MET: variants seen among roughly 807,000 people sequenced by gnomAD.
MET encodes the protein MET proto-oncogene, receptor tyrosine kinase, also known as hepatocyte growth factor receptor.
A neutral mutation model predicts 133.1 loss-of-function variants in MET; 48 were observed. The observed-to-expected ratio is 0.36, with a 90% confidence interval of 0.29 to 0.46. The LOEUF (loss-of-function observed/expected upper bound fraction) is 0.46. Among genes scored for constraint, MET ranks in the 20% least tolerant of loss-of-function variants. The probability of loss-of-function intolerance (pLI) is 1.00; values close to 1 mark genes in which losing one functional copy is unlikely to be tolerated. For synonymous variants in MET, 628 were observed against 616.5 expected, an observed-to-expected ratio of 1.02 and a Z score of -0.28; for missense variants, 1,442 against 1,695.9, an observed-to-expected ratio of 0.85 and a Z score of 2.63.
At chr7:116,712,084 C>T (rs186521391) in intron 2 of MET, among the ~76,000 whole-genome samples, 63 of 152,314 alleles carry the variant, frequency 4.1e-4, no homozygotes, top group African/African-American at 1.5e-3. Context: ...CTGTCCTACA[C>T]GCAACCTGTC....
intron 18 of MET, among the ~76,000 whole-genome samples, chr7:116,782,620 C>T (rs1287445972): frequency 1.3e-5 from 2 of 152,154 alleles, no homozygotes; most frequent in African/African-American, 4.8e-5. Flanking sequence ...TCATGTTTTC[C>T]CTTGCATAGC....
intron 3 of MET, among the ~76,000 whole-genome samples, chr7:116,734,286 C>G (rs924343847): frequency 6.6e-6 from 1 of 152,208 alleles, no homozygotes. Context: ...GATTTTACTT[C>G]CTTCCTACCC....
intron 18 of MET, among the ~76,000 whole-genome samples, chr7:116,782,887 A>T (rs1031316112): frequency 1.3e-5 from 2 of 152,226 alleles, no homozygotes; most frequent in Admixed American, 1.3e-4. Context: ...GAAAAAGTAA[A>T]GTATCAGTCC....
chr7:116,764,896 T>C (rs1794562748), intron 11 of MET, among the ~76,000 whole-genome samples: 1 of 152,164 alleles, frequency 6.6e-6, no homozygotes, highest in Admixed American at 6.6e-5. Context: ...TTCAATATTT[T>C]TTCATACTTC....
At chr7:116,715,621 A>G (rs1324253449) in intron 2 of MET, among the ~76,000 whole-genome samples, 1 of 152,218 alleles carries the variant, frequency 6.6e-6, no homozygotes, top group Non-Finnish European at 1.5e-5. Context: ...CTTCTAAATG[A>G]AGTGACCATT....
intron 1 of MET, among the ~76,000 whole-genome samples, chr7:116,691,987 A>G (rs1796794012): frequency 6.6e-6 from 1 of 152,224 alleles, no homozygotes; most frequent in East Asian, 1.9e-4. Flanking sequence ...TATAAGAGAC[A>G]GTGGATTCTG....
intron 1 of MET, among the ~76,000 whole-genome samples, chr7:116,697,891 A>T (rs2116571337): frequency 6.6e-6 from 1 of 152,328 alleles, no homozygotes; most frequent in Admixed American, 6.5e-5. Context: ...GTTATCACTC[A>T]GCCACATTGC....
chr7:116,709,125 G>T (rs191095511), intron 2 of MET, among the ~76,000 whole-genome samples: 107 of 152,276 alleles, frequency 7.0e-4, no homozygotes, highest in South Asian at 1.7e-3. Flanking sequence ...GTACAAATGA[G>T]TGCTCTCCAG....
chr7:116,718,176 C>A (rs920082797), intron 2 of MET, among the ~76,000 whole-genome samples: 28 of 152,218 alleles, frequency 1.8e-4, no homozygotes, highest in South Asian at 4.1e-4. Flanking sequence ...ATCACAAGGT[C>A]AGGGGTTCAA....
At chr7:116,750,407 C>T (rs892532055) in intron 5 of MET, among the ~76,000 whole-genome samples, 1 of 152,224 alleles carries the variant, frequency 6.6e-6, no homozygotes, top group African/African-American at 2.4e-5. Context: ...GGACCCCTTC[C>T]TTACACCTTA....
chr7:116,718,367 G>A (rs887210701), intron 2 of MET, among the ~76,000 whole-genome samples: 3 of 151,826 alleles, frequency 2.0e-5, no homozygotes, highest in Admixed American at 6.6e-5. Context: ...CAGCCTCGGC[G>A]ACAGAGCTAG....
intron 15 of MET, among the ~76,000 whole-genome samples, chr7:116,775,741 C>T (rs1441160738): frequency 6.6e-6 from 1 of 152,076 alleles, no homozygotes; most frequent in African/African-American, 2.4e-5. Context: ...ATAAATATCA[C>T]TCCTTTAATT....
At chr7:116,681,580 A>T (rs1796360341) in intron 1 of MET, among the ~76,000 whole-genome samples, 1 of 152,238 alleles carries the variant, frequency 6.6e-6, no homozygotes, top group South Asian at 2.1e-4. Flanking sequence ...TCTATTCTAA[A>T]TACGAATTTA....
At chr7:116,754,285 C>T (rs912689025) in intron 5 of MET, among the ~76,000 whole-genome samples, 6 of 152,142 alleles carry the variant, frequency 3.9e-5, no homozygotes, top group Non-Finnish European at 5.9e-5. Flanking sequence ...TTTTACTGTG[C>T]AACTTTTGTC....
chr7:116,769,758 C>G lies in MET; in HGVS notation c.2697C>G (p.Asp899Glu), dbSNP rs1584953336. 4.3e-6 allele frequency: 7 copies of G among 1,613,676 alleles called. No individual in the cohort carries two copies. The highest frequency in any genetic ancestry group is 5.9e-6 in the Non-Finnish European group (7 of 1,179,824). The change falls in exon 12 of 21, where the codon GAC becomes GAG. Residue 899 changes from aspartate to glutamate, a missense_variant. Coordinates refer to ENST00000397752, the MANE Select transcript of MET (RefSeq NM_000245.4). ...SEAVLCTVPNDLLKLNSELNI... is the reference protein window; with the variant it reads ...SEAVLCTVPNELLKLNSELNI... The stretch of plus-strand genomic sequence containing the variant: ...CCGTTTTATGCACGGTCCCCAATGA[C>G]CTGCTGAAATTGAACAGCGAGCTAA...
rs2116586543 is a variant in MET at position 116,699,432 on chromosome 7, C to G, written c.348C>G (p.Ile116Met). 4 of 1,614,018 alleles carry G rather than the reference C, an allele frequency of 2.5e-6. No individual in the cohort carries two copies. Among genetic ancestry groups the G allele is most frequent in the Non-Finnish European group, 3.4e-6 (4 of 1,179,934 alleles). The stretch of plus-strand genomic sequence containing the variant: ...CAGGAGGTGTTTGGAAAGATAACAT[C>G]AACATGGCTCTAGTTGTCGACACCT... ...NLSGGVWKDN[I>M]NMALVVDTYY... Residue 116 changes from isoleucine (I) to methionine (M), a missense_variant, in exon 2 of 21, where the codon ATC becomes ATG. Ile to Met is a conservative substitution (Grantham distance 10). Around this residue, in one of 6 missense-constraint regions of MET, gnomAD observed 762 missense variants for 792.4 expected, o/e 0.96. Transcript: ENST00000397752.
intron 19 of MET, among the ~76,000 whole-genome samples, chr7:116,793,394 C>T (rs577875975): frequency 2.2e-4 from 33 of 151,496 alleles, no homozygotes; most frequent in African/African-American, 7.5e-4. Context: ...AGGCTGGTCC[C>T]GAACTCTTGA....
rs1162352573 is a variant in MET, at chr7:116,775,050, G to A, written c.3198G>A (p.Val1066=). The stretch of plus-strand genomic sequence containing the variant: ...TAAATCCAGAGCTGGTCCAGGCAGT[G>A]CAGCATGTAGTGATTGGGCCCAGTA... ...SALNPELVQA[V]QHVVIGPSSL... is the part of the protein sequence containing the mutation. Residue 1066 remains valine (V), a synonymous_variant, in exon 15 of 21, where the codon GTG becomes GTA. Coordinates refer to ENST00000397752, the MANE Select transcript of MET (RefSeq NM_000245.4). 1.2e-6 allele frequency: 2 copies of A among 1,614,210 alleles called. No homozygotes were observed. The highest frequency in any genetic ancestry group is 1.7e-6 in the Non-Finnish European group (2 of 1,180,028).
chr7:116,774,720 T>G (rs1450949503), intron 14 of MET, among the ~76,000 whole-genome samples, 161 bp from the exon 15 acceptor site: 1 of 152,236 alleles, frequency 6.6e-6, no homozygotes, highest in Non-Finnish European at 1.5e-5. Flanking sequence ...AATGAAAATC[T>G]GTAAACATCT....
Sources: gnomAD v4.1 joint callset for allele counts (sites outside exome capture counted in the v4.1 genomes callset) on GRCh38, gnomAD v4.1.1 for gene constraint, gnomAD v4.1.1 regional missense constraint, MANE v1.5 for transcripts, NCBI Gene and HGNC (gene_info 2026-07-23, HGNC 2026-07-21) for gene names.